Variants in TTLL11 observed in about 807,000 individuals in gnomAD.
TTLL11 encodes tubulin tyrosine ligase like 11.
In TTLL11, 42 loss-of-function variants were observed where a neutral mutation model predicts 51.7. The ratio of observed to expected loss-of-function variants is 0.81; its 90% confidence interval spans 0.64 to 1.05. TTLL11 has a LOEUF of 1.05. Among genes scored for constraint, TTLL11 ranks in the 50% least tolerant of loss-of-function variants. TTLL11 has a pLI of 0.00. For synonymous variants in TTLL11, 381 were observed against 383.5 expected (o/e 0.99, Z 0.08); for missense variants, 799 against 940.4 (o/e 0.85, Z 1.97).
At chr9:121,942,588 T>TCA (rs903284141) in intron 6 of TTLL11, among the ~76,000 whole-genome samples, 13 of 132,184 alleles carry the variant, frequency 9.8e-5, no homozygotes, top group Non-Finnish European at 1.9e-4. Flanking sequence ...AACAGGGATG[T>TCA]CACTCTAGTT....
chr9:122,026,165 G>A lies in TTLL11; in HGVS notation c.693+5558C>T, dbSNP rs1402831409. 2.6e-5 allele frequency among the ~76,000 whole-genome samples: 4 copies of A among 152,110 alleles called. No individual in the cohort carries two copies. In the South Asian group the frequency reaches 6.2e-4, roughly 24 times the overall value. The stretch of plus-strand genomic sequence containing the variant: ...GGAAGAAGCGAAGGAGGGGCTGGGC[G>A]TGGTGGCTCATGTCTATAATCCCAA... On this transcript the variant is annotated intron_variant, in intron 3 of 8. Transcript: ENST00000321582.
chr9:122,056,821 T>C (rs375420908), intron 1 of TTLL11, among the ~76,000 whole-genome samples: 2 of 152,244 alleles, frequency 1.3e-5, no homozygotes, highest in African/African-American at 4.8e-5. Flanking sequence ...GCTAATGCAA[T>C]AGTGTTGGGA....
chr9:122,014,215 AT>A (rs1258972890), intron 3 of TTLL11, among the ~76,000 whole-genome samples: 1 of 152,018 alleles, frequency 6.6e-6, no homozygotes, highest in Non-Finnish European at 1.5e-5. Context: ...AAATACAAAA[AT>A]TAGCTGGGCA....
intron 3 of TTLL11, among the ~76,000 whole-genome samples, chr9:121,999,747 C>T (rs1187780151): frequency 3.3e-5 from 5 of 152,202 alleles, no homozygotes; most frequent in East Asian, 1.9e-4. Flanking sequence ...CACACACGTG[C>T]GCGTGCACAC....
intron 1 of TTLL11, among the ~76,000 whole-genome samples, chr9:122,062,462 C>CTTTTTTTTTTTTTTTTTTTT (rs386416145): frequency 1.3e-5 from 1 of 77,678 alleles, no homozygotes; most frequent in Non-Finnish European, 2.2e-5. Flanking sequence ...TTATATTATG[C>CTTTTTTTTTTTTTTTTTTTT]TTTTTTTTTT....
intron 1 of TTLL11, among the ~76,000 whole-genome samples, chr9:122,051,740 T>C (rs1230390826): frequency 6.6e-6 from 1 of 152,140 alleles, no homozygotes; most frequent in Non-Finnish European, 1.5e-5. Flanking sequence ...TCAATGCCCC[T>C]AACCTCTCTG....
Position 121,930,832 on chromosome 9 carries a change from C to T in TTLL11, c.1481+43177G>A, listed in dbSNP as rs78502090. Among the ~76,000 whole-genome samples the T allele has an allele frequency of 1.2e-3, 183 of 152,348 alleles. 4 individuals carry two copies. In the East Asian group the frequency reaches 0.021, roughly 18 times the overall value. On this transcript the variant is annotated intron_variant, in intron 6 of 8. Coordinates refer to ENST00000321582, the MANE Select transcript of TTLL11 (RefSeq NM_001139442.2). ...GGATATGTGTTTTAATGCAAATTTC[C>T]TCGCGCTGAGTTTGGCACTTAATAG... is the stretch of plus-strand genomic sequence containing the variant.
At chr9:122,051,027 C>T (rs992969942) in intron 1 of TTLL11, among the ~76,000 whole-genome samples, 12 of 152,152 alleles carry the variant, frequency 7.9e-5, no homozygotes, top group African/African-American at 2.4e-4. Context: ...ATTTGTTACA[C>T]AGCAATAGAT....
At chr9:121,923,874 C>A (rs1840625418) in intron 6 of TTLL11, among the ~76,000 whole-genome samples, 1 of 152,142 alleles carries the variant, frequency 6.6e-6, no homozygotes, top group Admixed American at 6.5e-5. Context: ...TGTGTCCCCA[C>A]CCAAATTTCA....
At chr9:122,067,900 C>A (rs562174395) in intron 1 of TTLL11, among the ~76,000 whole-genome samples, 52 of 152,330 alleles carry the variant, frequency 3.4e-4, no homozygotes, top group African/African-American at 1.2e-3. Flanking sequence ...ACAATAGTTA[C>A]CAGAGTGAAA....
intron 7 of TTLL11, 60 bp downstream of exon 7, chr9:121,870,437 A>T: frequency 6.6e-7 from 1 of 1,509,338 alleles, no homozygotes; most frequent in Non-Finnish European, 8.9e-7. Context: ...CGCCAGCCAG[A>T]TGTGAGACTG....
chr9:122,070,214 T>C (rs1845693813), intron 1 of TTLL11, among the ~76,000 whole-genome samples: 1 of 152,102 alleles, frequency 6.6e-6, no homozygotes, highest in African/African-American at 2.4e-5. Context: ...AGCTCATAAC[T>C]GAGCTGGATA....
In TTLL11 at chr9:121,989,736, T is replaced by C. The variant is rs1843054868; in HGVS notation, c.728A>G (p.Lys243Arg). Residue 243 changes from lysine (K) to arginine (R), a missense_variant, in exon 4 of 9, where the codon AAG becomes AGG. Around this residue, in one of 3 missense-constraint regions of TTLL11, gnomAD observed 468 missense variants for 612.8 expected, o/e 0.76. Coordinates refer to ENST00000321582, the MANE Select transcript of TTLL11 (RefSeq NM_001139442.2). The surrounding 1 kb of genome is among the most constrained non-coding windows in gnomAD (Gnocchi z 4.2). ...QMVKDDDPSW[K>R]PTFIVKPDGG... ...ATCAGGTTTCACGATAAAAGTGGGC[T>C]TCCAGGAGGGGTCATCGTCTTTCAC... 1.9e-6 allele frequency: 3 copies of C among 1,608,646 alleles called. No homozygotes were observed. Among genetic ancestry groups the C allele is most frequent in the Non-Finnish European group, 1.7e-6 (2 of 1,176,056 alleles).
At chr9:121,838,769 C>A (rs201016457) in intron 8 of TTLL11, among the ~76,000 whole-genome samples, 14 of 75,838 alleles carry the variant, frequency 1.8e-4, no homozygotes, top group East Asian at 9.7e-4. Context: ...AGAAAGCAAG[C>A]AAGCAAGCAA....
chr9:121,866,009 C>A (rs986347446), intron 7 of TTLL11, among the ~76,000 whole-genome samples: 2 of 152,176 alleles, frequency 1.3e-5, no homozygotes, highest in African/African-American at 4.8e-5. Context: ...CCCTCTAGTT[C>A]TCTTCAAGGA....
chr9:121,913,360 G>A (rs977786514), intron 6 of TTLL11, among the ~76,000 whole-genome samples: 1 of 152,124 alleles, frequency 6.6e-6, no homozygotes, highest in Non-Finnish European at 1.5e-5. Context: ...AGAAGACCAG[G>A]AGGCAAAGTT....
chr9:121,926,233 TG>T (rs1840726551), intron 6 of TTLL11, among the ~76,000 whole-genome samples: 1 of 152,086 alleles, frequency 6.6e-6, no homozygotes, highest in Non-Finnish European at 1.5e-5. Context: ...GAACTGGCCC[TG>T]GGGGACCCTG....
chr9:121,986,305 C>T (rs1842938417), intron 4 of TTLL11, among the ~76,000 whole-genome samples: 2 of 152,188 alleles, frequency 1.3e-5, no homozygotes, highest in Admixed American at 6.5e-5. Context: ...CCCTGCCACT[C>T]GGTCCAAGCC....
intron 1 of TTLL11, among the ~76,000 whole-genome samples, 169 bp downstream of exon 1, chr9:122,092,518 G>A (rs758040445): frequency 6.6e-6 from 1 of 152,196 alleles, no homozygotes; most frequent in Non-Finnish European, 1.5e-5. Context: ...TGATTTTGGG[G>A]GGTAGGCCTT....
Sources: gnomAD v4.1 joint callset for allele counts (sites outside exome capture counted in the v4.1 genomes callset) on GRCh38, gnomAD v4.1.1 for gene constraint, gnomAD v4.1.1 regional missense constraint, Gnocchi (gnomAD v3.1) non-coding constraint, MANE v1.5 for transcripts, NCBI Gene and HGNC (gene_info 2026-07-23, HGNC 2026-07-21) for gene names.